The following SEZ6L2 variants were observed in gnomAD, a reference collection of about 807,000 sequenced individuals.
SEZ6L2 encodes seizure related 6 homolog like 2.
Under a neutral mutation model 97.0 loss-of-function variants are expected in SEZ6L2, and 44 were observed. That is an observed-to-expected ratio of 0.45 (90% CI 0.36 to 0.58). The LOEUF (loss-of-function observed/expected upper bound fraction) is 0.58, where lower values mean the gene tolerates loss of function less well. SEZ6L2 is among the 20% of genes least tolerant of loss of function. The probability of loss-of-function intolerance (pLI) is 0.00; values close to 1 mark genes in which losing one functional copy is unlikely to be tolerated. For synonymous variants in SEZ6L2, 543 were observed against 546.1 expected, an observed-to-expected ratio of 0.99 and a Z score of 0.08; for missense variants, 1,086 against 1,233.3, an observed-to-expected ratio of 0.88 and a Z score of 1.79.
intron 10 of SEZ6L2, 82 bp from the exon 11 acceptor site, chr16:29,877,549 C>A: frequency 7.8e-7 from 1 of 1,276,240 alleles, no homozygotes; most frequent in Non-Finnish European, 1.1e-6. Context: ...CAACTCTGCT[C>A]ATTGGTAGCC....
At chr16:29,894,373 T>A (rs1233877709) in intron 5 of SEZ6L2, among the ~76,000 whole-genome samples, 1 of 152,118 alleles carries the variant, frequency 6.6e-6, no homozygotes, top group Non-Finnish European at 1.5e-5. Flanking sequence ...TCTCTCTGGG[T>A]CTTGGAGTGT....
Position 29,888,474 on chromosome 16 carries a change from C to G in SEZ6L2, c.1039+66G>C. 1.9e-6 allele frequency: 3 copies of G among 1,538,688 alleles called. No individual in the cohort carries two copies. In the South Asian group the frequency reaches 3.6e-5, roughly 19 times the overall value. On this transcript the variant is annotated intron_variant, in intron 6 of 17. Coordinates refer to ENST00000617533, the MANE Select transcript of SEZ6L2 (RefSeq NM_001243332.2). ...CCAAAGGTGGACACCTGGACACCCC[C>G]GAGATAGGACCCTCCCAATGGGGTT...
intron 10 of SEZ6L2, among the ~76,000 whole-genome samples, chr16:29,877,883 T>G (rs2067944571): frequency 6.6e-6 from 1 of 152,176 alleles, no homozygotes; most frequent in Admixed American, 6.5e-5. Context: ...TTCTGTGCCA[T>G]CTCATGACAC....
chr16:29,878,398 G>T lies in SEZ6L2; in HGVS notation c.1601C>A (p.Pro534Gln). 1 of 1,605,820 alleles carries T rather than the reference G, an allele frequency of 6.2e-7. No individual in the cohort carries two copies. The highest frequency in any genetic ancestry group is 1.1e-5 in the South Asian group (1 of 89,134). The change falls in exon 10 of 18, where the codon CCA (proline) becomes CAA (glutamine). Residue 534 changes from proline to glutamine, a missense_variant. By Grantham distance (76) the Pro-to-Gln change is moderately conservative. Transcript: ENST00000617533. ...KAMCGGELSE[P>Q]AGVVLSPDWP... ...GTCGGGAGAGAGGACCACGCCAGCTGGTTCCGACAGCTCCCCTCCACACAT... is the reference window on the plus strand; with the variant it reads ...GTCGGGAGAGAGGACCACGCCAGCTTGTTCCGACAGCTCCCCTCCACACAT...
At position 29,872,544 on chromosome 16, in the gene SEZ6L2, G is replaced by T. The variant is rs1185193560; in HGVS notation, c.2528-18C>A. 8 of 1,611,716 alleles carry T rather than the reference G, an allele frequency of 5.0e-6. No homozygotes were observed. Among genetic ancestry groups the T allele is most frequent in the Non-Finnish European group, 6.8e-6 (8 of 1,178,248 alleles). ...CTGGGTCACTACAGGAGGAGGAGAG[G>T]CCGGTGAGCTGTGGCTGGGCCCGGT... is the stretch of plus-strand genomic sequence containing the variant. On this transcript the variant is annotated intron_variant, in intron 15 of 17. Coordinates refer to ENST00000617533, the MANE Select transcript of SEZ6L2 (RefSeq NM_001243332.2).
In SEZ6L2 at chr16:29,876,799, C is replaced by T. The variant is rs1419864854; in HGVS notation, c.2061G>A (p.Gln687=). The T allele has an allele frequency of 6.3e-7, 1 of 1,591,016 alleles. No individual in the cohort carries two copies. The highest frequency in any genetic ancestry group is 2.3e-5 in the East Asian group (1 of 43,342). ...GCGCGGCGCTCCAAGACAGGTCCCA[C>T]TGGCAAGTGAGAATGTCGGAGCCTA... ...ELLGSDILTC[Q]WDLSWSAAPP... The change falls in exon 12 of 18, where the codon CAG becomes CAA. Residue 687 remains glutamine (Q), a synonymous_variant. Coordinates refer to ENST00000617533, the MANE Select transcript of SEZ6L2 (RefSeq NM_001243332.2). This position sits in a 1 kb window ranked among gnomAD's most constrained non-coding sequence, Gnocchi z 6.5.
In SEZ6L2 at chr16:29,871,577, G is replaced by A. The variant is rs757791388; in HGVS notation, c.*122C>T. 2.1e-6 allele frequency: 2 copies of A among 965,556 alleles called. No homozygotes were observed. The highest frequency in any genetic ancestry group is 3.3e-6 in the Non-Finnish European group (2 of 613,130). 59.8% of individuals were successfully genotyped at this position (965,556 alleles called of 1,614,324 possible). ...CCATCAAAGCCCCCTCGTGGGATAG[G>A]GAGACTATTTACACAGCCAGGGAGG... On this transcript the variant is annotated 3_prime_UTR_variant, in exon 18 of 18. Transcript: ENST00000617533.
At chr16:29,888,399 C>T in intron 6 of SEZ6L2, 141 bp downstream of exon 6, 1 of 818,056 alleles carries the variant, frequency 1.2e-6, no homozygotes, top group Non-Finnish European at 1.9e-6. Context: ...GGCTGCAGAC[C>T]CCAGGATGGG....
In SEZ6L2 at chr16:29,872,880, T is replaced by C. The variant is rs2067815967; in HGVS notation, c.2489-137A>G. On this transcript the variant is annotated intron_variant, in intron 14 of 17. Coordinates refer to ENST00000617533, the MANE Select transcript of SEZ6L2 (RefSeq NM_001243332.2). ...CTGCTCAACCTCAACTTTCTCCCTT[T>C]GTGGGGAAGAGAGAGGAGTGACCAG... 3 of 716,698 alleles carry C rather than the reference T, an allele frequency of 4.2e-6. No homozygotes were observed. The East Asian group carries it at 8.0e-5, about 19-fold the overall frequency. The allele number at this position is 716,698 out of a possible 1,614,324, so 44.4% of individuals were successfully genotyped here. A position where few individuals can be genotyped will look rare whatever the true frequency, so the allele number is the denominator to read the frequency against.
At position 29,897,983 on chromosome 16, in the gene SEZ6L2, A is replaced by T. The variant is rs768084540; in HGVS notation, c.81T>A (p.Gly27=). Residue 27 remains glycine, a splice_region_variant and synonymous_variant, in exon 2 of 18, where the codon GGT becomes GGA. Coordinates refer to ENST00000617533, the MANE Select transcript of SEZ6L2 (RefSeq NM_001243332.2). ...LILLSCPWIQ[G]LPLKEEEILP... ...ATATCTCCTCCTCCTTCAGGGGCAG[A>T]CCTAGGAGGTGAAGTTGTGTGAGCT... 3 of 1,612,900 alleles carry T rather than the reference A, an allele frequency of 1.9e-6. No individual in the cohort carries two copies. The highest frequency in any genetic ancestry group is 2.2e-5 in the South Asian group (2 of 90,990).
chr16:29,898,893 C>G (rs780074855), intron 1 of SEZ6L2, 48 bp downstream of exon 1: 2 of 1,481,934 alleles, frequency 1.3e-6, no homozygotes, highest in Non-Finnish European at 1.9e-6. Flanking sequence ...GTGGAGGACC[C>G]CGCTGGACGC....
chr16:29,883,255 C>A (rs1356937945), intron 8 of SEZ6L2, among the ~76,000 whole-genome samples: 1 of 151,992 alleles, frequency 6.6e-6, no homozygotes, highest in African/African-American at 2.4e-5. Flanking sequence ...CCCAGACATA[C>A]CAGGCATTTC....
chr16:29,893,048 G>A (rs1050627067), intron 5 of SEZ6L2, among the ~76,000 whole-genome samples: 1 of 152,142 alleles, frequency 6.6e-6, no homozygotes, highest in Non-Finnish European at 1.5e-5. Context: ...TTTCAGGCCA[G>A]GCACCATGGC....
rs138142804 is a variant in SEZ6L2, at chr16:29,873,616, C to A, written c.2218G>T (p.Glu740Ter). Reference protein sequence around the residue: ...QYRCLPGYSLEGAAMLTCYSR... With the variant: ...QYRCLPGYSL ...TAGCAGGTGAGCATGGCTGCCCCCT[C>A]GAGGCTGTACCCTGGCAGGCAGCGG... The change falls in exon 13 of 18, where the codon GAG (glutamate) becomes TAG (stop). Residue 740 changes from glutamate to a stop codon, truncating the protein, a stop_gained. Coordinates refer to ENST00000617533, the MANE Select transcript of SEZ6L2 (RefSeq NM_001243332.2). LOFTEE classifies it high-confidence loss of function. The surrounding 1 kb of genome is among the most constrained non-coding windows in gnomAD (Gnocchi z 4.3). The A allele has an allele frequency of 6.2e-7, 1 of 1,614,054 alleles. No homozygotes were observed. Among genetic ancestry groups the A allele is most frequent in the Non-Finnish European group, 8.5e-7 (1 of 1,179,996 alleles).
chr16:29,871,822 G>A, intron 17 of SEZ6L2, 94 bp from the exon 18 acceptor site: 1 of 1,160,584 alleles, frequency 8.6e-7, no homozygotes, highest in Non-Finnish European at 1.3e-6. Context: ...GGGTTTTAAA[G>A]TAACATTGAC....
chr16:29,875,635 T>G lies in SEZ6L2; in HGVS notation c.2104+1121A>C, dbSNP rs1347519902. ...ACCAGCTGCCATTCCTTTCTGCTCT[T>G]CAATTTTCTTTTTCTTTCTTTCTTT... is the stretch of plus-strand genomic sequence containing the variant. On this transcript the variant is annotated intron_variant, in intron 12 of 17. Transcript: ENST00000617533. 2.0e-5 allele frequency among the ~76,000 whole-genome samples: 3 copies of G among 150,808 alleles called. No homozygotes were observed. In the East Asian group the frequency reaches 5.8e-4, roughly 29 times the overall value.
intron 7 of SEZ6L2, 75 bp from the exon 8 acceptor site, chr16:29,885,824 C>A: frequency 2.1e-6 from 3 of 1,462,470 alleles, no homozygotes; most frequent in Non-Finnish European, 2.8e-6. Context: ...GCTTTCCTAA[C>A]TTATTTTTAT....
rs565319418 is a variant in SEZ6L2 at position 29,896,631 on chromosome 16, C to T, written c.511+191G>A. ...CCTGAGCCAGAACTCCCTTTCCCAA[C>T]TGTTATATAGCTGAAACAATTGGAA... On this transcript the variant is annotated intron_variant, in intron 3 of 17. Coordinates refer to ENST00000617533, the MANE Select transcript of SEZ6L2 (RefSeq NM_001243332.2). Among the ~76,000 whole-genome samples, 3 of 152,222 alleles carry T rather than the reference C, an allele frequency of 2.0e-5. No individual in the cohort carries two copies. The South Asian group carries it at 6.2e-4, about 31-fold the overall frequency.
At chr16:29,892,945 T>C (rs959589648) in intron 5 of SEZ6L2, among the ~76,000 whole-genome samples, 2 of 152,220 alleles carry the variant, frequency 1.3e-5, no homozygotes, top group Non-Finnish European at 2.9e-5. Flanking sequence ...ACAAATGCAG[T>C]CGTGCGTGAA....
Sources: allele counts gnomAD v4.1 joint callset (sites outside exome capture counted in the v4.1 genomes callset), GRCh38; gene constraint gnomAD v4.1.1; non-coding constraint Gnocchi (gnomAD v3.1); transcripts MANE v1.5; gene names NCBI Gene and HGNC (gene_info 2026-07-23, HGNC 2026-07-21).